FGF12: variants seen among roughly 807,000 people sequenced by gnomAD.
FGF12 encodes fibroblast growth factor 12.
In FGF12, 14 loss-of-function variants were observed where a neutral mutation model predicts 23.6. The observed-to-expected ratio is 0.59, with a 90% CI of 0.39 to 0.93. The LOEUF is 0.93. FGF12 is among the 40% of genes least tolerant of loss of function. The pLI is 0.00. For synonymous variants in FGF12, 62 were observed against 77.3 expected (o/e 0.80, Z 1.04); for missense variants, 175 against 217.8 (o/e 0.80, Z 1.24).
At chr3:192,205,902 T>A (rs904817477) in intron 4 of FGF12, among the ~76,000 whole-genome samples, 3 of 151,562 alleles carry the variant, frequency 2.0e-5, no homozygotes, top group African/African-American at 7.3e-5. Flanking sequence ...ATATTGAAGG[T>A]CCAGTTCAAA....
intron 2 of FGF12, among the ~76,000 whole-genome samples, chr3:192,563,269 T>G (rs996370096): frequency 2.0e-5 from 3 of 152,236 alleles, no homozygotes; most frequent in Non-Finnish European, 2.9e-5. Context: ...ATTTTAAGCA[T>G]TTGATGAATG....
intron 2 of FGF12, among the ~76,000 whole-genome samples, chr3:192,451,295 T>A (rs1256448480): frequency 6.6e-6 from 1 of 152,162 alleles, no homozygotes; most frequent in Non-Finnish European, 1.5e-5. Flanking sequence ...TTTCCAACAC[T>A]CTCTTTGTTC....
intron 4 of FGF12, among the ~76,000 whole-genome samples, chr3:192,252,428 A>G (rs1712079543): frequency 7.9e-6 from 1 of 126,932 alleles, no homozygotes; most frequent in Non-Finnish European, 1.6e-5. Flanking sequence ...ATGCCCCTGC[A>G]CTCCAGCCTG....
At chr3:192,294,975 A>G (rs1187724322) in intron 4 of FGF12, among the ~76,000 whole-genome samples, 1 of 152,122 alleles carries the variant, frequency 6.6e-6, no homozygotes, top group Non-Finnish European at 1.5e-5. Flanking sequence ...ATACCAGTGG[A>G]CTCTAGCAGG....
chr3:192,519,197 G>C (rs949196537), intron 2 of FGF12, among the ~76,000 whole-genome samples: 3 of 152,158 alleles, frequency 2.0e-5, no homozygotes, highest in East Asian at 3.9e-4. Context: ...TCCTTTTTCT[G>C]TACCAGATCC....
At chr3:192,631,618 A>T (rs1032769882) in intron 2 of FGF12, among the ~76,000 whole-genome samples, 1 of 152,184 alleles carries the variant, frequency 6.6e-6, no homozygotes, top group Non-Finnish European at 1.5e-5. Flanking sequence ...GCTCTAAAAA[A>T]TGGCATGCCA....
chr3:192,612,372 A>G (rs1714580448), intron 2 of FGF12, among the ~76,000 whole-genome samples: 1 of 151,918 alleles, frequency 6.6e-6, no homozygotes, highest in African/African-American at 2.4e-5. Context: ...AGAGAAACGA[A>G]GTTTTGCTTT....
intron 4 of FGF12, among the ~76,000 whole-genome samples, chr3:192,318,165 G>A (rs1716329212): frequency 6.6e-6 from 1 of 152,110 alleles, no homozygotes; most frequent in Admixed American, 6.6e-5. Flanking sequence ...AAGACTACAA[G>A]AAATACTTAA....
chr3:192,438,701 G>C (rs555335277), intron 2 of FGF12, among the ~76,000 whole-genome samples: 54 of 152,332 alleles, frequency 3.5e-4, no homozygotes, highest in African/African-American at 1.3e-3. Flanking sequence ...GTCAAAGATT[G>C]ATGATTTGTG....
intron 2 of FGF12, among the ~76,000 whole-genome samples, chr3:192,607,082 C>G (rs910781260): frequency 6.6e-6 from 1 of 152,082 alleles, no homozygotes; most frequent in Non-Finnish European, 1.5e-5. Flanking sequence ...TATGCTCTGA[C>G]TGATTCTCTG....
At chr3:192,391,524 C>T (rs778928219) in intron 2 of FGF12, among the ~76,000 whole-genome samples, 1 of 152,120 alleles carries the variant, frequency 6.6e-6, no homozygotes, top group Non-Finnish European at 1.5e-5. Flanking sequence ...CTCGTAAAGG[C>T]CTCACAGAAA....
rs528692597 is a variant in FGF12 at position 192,701,414 on chromosome 3, T to A, written c.13+25767A>T. ...ATGTCATGGGTTATGGTCCTCATAT[T>A]TGGCTCAGAATAAATTTAATCAAAT... is the stretch of plus-strand genomic sequence containing the variant. On this transcript the variant is annotated intron_variant, in intron 2 of 5. Transcript: ENST00000445105. Among the ~76,000 whole-genome samples, 84 of 152,342 alleles carry A rather than the reference T, an allele frequency of 5.5e-4. 1 individual carries two copies. The highest frequency in any genetic ancestry group is 1.2e-3 in the Admixed American group (19 of 15,302).
intron 3 of FGF12, among the ~76,000 whole-genome samples, chr3:192,347,547 A>G (rs1052030088): frequency 1.9e-4 from 29 of 152,260 alleles, no homozygotes; most frequent in African/African-American, 6.5e-4. Flanking sequence ...TTTTCTGCCC[A>G]GATCATCAGT....
At chr3:192,474,448 G>A (rs1213025132) in intron 2 of FGF12, among the ~76,000 whole-genome samples, 1 of 152,208 alleles carries the variant, frequency 6.6e-6, no homozygotes, top group Non-Finnish European at 1.5e-5. Context: ...CTCTGTCACA[G>A]TGATTGGTGC....
intron 2 of FGF12, among the ~76,000 whole-genome samples, chr3:192,597,318 A>G (rs1713900741): frequency 6.6e-6 from 1 of 152,224 alleles, no homozygotes; most frequent in South Asian, 2.1e-4. Context: ...TATATTCCAG[A>G]AAAAGCAAAT....
rs73066254 is a variant in FGF12 at position 192,441,231 on chromosome 3, A to T, written c.14-80693T>A. Among the ~76,000 whole-genome samples the T allele has an allele frequency of 6.3e-3, 960 of 152,364 alleles. 5 individuals are homozygous for T. The highest frequency in any genetic ancestry group is 0.02 in the Middle Eastern group (6 of 294). On this transcript the variant is annotated intron_variant, in intron 2 of 5. Coordinates refer to ENST00000445105, the MANE Select transcript of FGF12 (RefSeq NM_004113.6). ...AGATAGTATACTTTAAAGCAACAGCATTCATCACAGAAATTAGGACAGCTT... is the reference window on the plus strand; with the variant it reads ...AGATAGTATACTTTAAAGCAACAGCTTTCATCACAGAAATTAGGACAGCTT...
chr3:192,314,572 TGA>T (rs1716132026), intron 4 of FGF12, among the ~76,000 whole-genome samples: 1 of 152,184 alleles, frequency 6.6e-6, no homozygotes, highest in African/African-American at 2.4e-5. Flanking sequence ...ATGGGCCCGT[TGA>T]GTCAATCAAT....
At chr3:192,335,521 T>A in intron 3 of FGF12, 57 bp from the exon 4 acceptor site, 1 of 1,026,552 alleles carries the variant, frequency 9.7e-7, no homozygotes, top group South Asian at 1.3e-5. Flanking sequence ...TAAATAATCC[T>A]TCTTATAATC....
At chr3:192,407,936 G>A in intron 2 of FGF12, 1 of 1,365,650 alleles carries the variant, frequency 7.3e-7, no homozygotes, top group South Asian at 1.4e-5. Context: ...AGGAATCCTG[G>A]TTCCCTTCCA....
Sources: allele counts gnomAD v4.1 joint callset (sites outside exome capture counted in the v4.1 genomes callset), GRCh38; gene constraint gnomAD v4.1.1; transcripts MANE v1.5; gene names NCBI Gene and HGNC (gene_info 2026-07-23, HGNC 2026-07-21).